The following ADAMTS14 variants were observed in gnomAD, a reference collection of about 807,000 sequenced individuals.
ADAMTS14 encodes the protein ADAM metallopeptidase with thrombospondin type 1 motif 14.
ADAMTS14 carries 100 observed loss-of-function variants against 128.6 expected under a neutral mutation model. The observed-to-expected ratio is 0.78, with a 90% CI of 0.66 to 0.92. The LOEUF (loss-of-function observed/expected upper bound fraction) is 0.92. Among genes scored for constraint, ADAMTS14 ranks in the 40% least tolerant of loss-of-function variants. The pLI is 0.00. For synonymous variants in ADAMTS14, 665 were observed against 653.8 expected (o/e 1.02, Z -0.26); for missense variants, 1,562 against 1,658.6 (o/e 0.94, Z 1.01).
chr10:70,712,105 G>A (rs527793172), intron 4 of ADAMTS14, among the ~76,000 whole-genome samples: 1 of 152,288 alleles, frequency 6.6e-6, no homozygotes, highest in Admixed American at 6.5e-5. Flanking sequence ...CACCCACCAT[G>A]CTGGAACACT....
intron 3 of ADAMTS14, among the ~76,000 whole-genome samples, chr10:70,706,160 C>T (rs908143517): frequency 2.0e-5 from 3 of 152,172 alleles, no homozygotes; most frequent in Admixed American, 6.5e-5. Context: ...GGAGCCCCCC[C>T]ACAGCATCCA....
chr10:70,697,731 T>C (rs939622091), intron 2 of ADAMTS14, among the ~76,000 whole-genome samples: 2 of 151,968 alleles, frequency 1.3e-5, no homozygotes, highest in Non-Finnish European at 2.9e-5. Context: ...CCTCCCTAGT[T>C]GCCACGTGAC....
chr10:70,682,317 G>A (rs2132538641), intron 2 of ADAMTS14, among the ~76,000 whole-genome samples: 1 of 152,340 alleles, frequency 6.6e-6, no homozygotes, highest in South Asian at 2.1e-4. Context: ...TTTGAGTATT[G>A]TAGGAGAAAT....
intron 4 of ADAMTS14, among the ~76,000 whole-genome samples, chr10:70,711,152 T>G (rs902286107): frequency 1.3e-5 from 2 of 152,190 alleles, no homozygotes; most frequent in African/African-American, 4.8e-5. Flanking sequence ...ATAAGAGTAA[T>G]TGGAACTAGA....
chr10:70,730,685 C>A (rs993274226), intron 6 of ADAMTS14, among the ~76,000 whole-genome samples: 5 of 152,156 alleles, frequency 3.3e-5, no homozygotes, highest in Non-Finnish European at 7.4e-5. Flanking sequence ...ACCCAGTGGT[C>A]CAAGATCTCT....
intron 19 of ADAMTS14, 100 bp downstream of exon 19, chr10:70,754,107 C>A: frequency 2.6e-6 from 3 of 1,141,162 alleles, no homozygotes; most frequent in Non-Finnish European, 3.6e-6. Context: ...GCCTGAATGG[C>A]TCCCCCTACA....
chr10:70,674,630 C>T lies in ADAMTS14; in HGVS notation c.157C>T (p.Leu53Phe), dbSNP rs1839583899. ...PCSTDFRGRFLSHVVSGPAAA... is the reference protein window; with the variant it reads ...PCSTDFRGRFFSHVVSGPAAA... ...CAGCACAGACTTTCGGGGACGCTTC[C>T]TCTCCCACGTGGTGTCTGGCCCAGC... Residue 53 changes from leucine (L) to phenylalanine (F), a missense_variant, in exon 2 of 22, where the codon CTC (leucine) becomes TTC (phenylalanine). By Grantham distance (22) the Leu-to-Phe change is conservative (BLOSUM62 0). Transcript: ENST00000373207. The T allele has an allele frequency of 6.2e-7, 1 of 1,613,824 alleles. No homozygotes were observed. The highest frequency in any genetic ancestry group is 8.5e-7 in the Non-Finnish European group (1 of 1,180,042).
rs1842531778 is a variant in ADAMTS14, at chr10:70,758,425, G to T, written c.3178+140G>T. 1.0e-5 allele frequency: 7 copies of T among 684,438 alleles called. No homozygotes were observed. The South Asian group carries it at 1.4e-4, about 14-fold the overall frequency. The allele number at this position is 684,438 out of a possible 1,614,324, so 42.4% of individuals were successfully genotyped here. A position where few individuals can be genotyped will look rare whatever the true frequency, so the allele number is the denominator to read the frequency against. On this transcript the variant is annotated intron_variant, in intron 21 of 21. Transcript: ENST00000373207. ...ACCTCCCTGAGCCTCAGATACCTCAGTTATGAAGTGGGGAGGAGGCTCTAC... is the reference window on the plus strand; with the variant it reads ...ACCTCCCTGAGCCTCAGATACCTCATTTATGAAGTGGGGAGGAGGCTCTAC...
At position 70,674,965 on chromosome 10, in the gene ADAMTS14, A is replaced by G; in HGVS notation, c.492A>G (p.Ala164=). Residue 164 remains alanine (A), a synonymous_variant, in exon 2 of 22, where the codon GCA becomes GCG. Transcript: ENST00000373207. The part of the protein sequence containing the change: ...YTGGVTGMPG[A]AVAISNCDGL... The stretch of plus-strand genomic sequence containing the variant: ...GAGGTGTCACTGGAATGCCTGGGGC[A>G]GCTGTTGCCATCAGCAACTGTGACG... 2 of 1,612,930 alleles carry G rather than the reference A, an allele frequency of 1.2e-6. No homozygotes were observed. The highest frequency in any genetic ancestry group is 2.2e-5 in the South Asian group (2 of 91,088).
At chr10:70,714,480 G>A (rs149426307) in intron 4 of ADAMTS14, among the ~76,000 whole-genome samples, 4 of 152,350 alleles carry the variant, frequency 2.6e-5, no homozygotes, top group East Asian at 1.9e-4. Flanking sequence ...GGTGCTGTCC[G>A]TGGCTGGTGA....
chr10:70,681,812 C>T (rs1320315259), intron 2 of ADAMTS14, among the ~76,000 whole-genome samples: 1 of 152,260 alleles, frequency 6.6e-6, no homozygotes, highest in South Asian at 2.1e-4. Flanking sequence ...TCTTGACCTG[C>T]AGGCCTCCTG....
chr10:70,741,178 C>T lies in ADAMTS14; in HGVS notation c.1924+16C>T. The T allele has an allele frequency of 6.2e-7, 1 of 1,610,030 alleles. No individual in the cohort carries two copies. Among genetic ancestry groups the T allele is most frequent in the South Asian group, 1.1e-5 (1 of 90,952 alleles). ...CCTGACGATGGTGAGTGGGCCCCAC[C>T]CCCCTCCCACTCCATGTCCTTAGGC... On this transcript the variant is annotated intron_variant, in intron 12 of 21. Transcript: ENST00000373207.
At chr10:70,675,648 C>T (rs1466265535) in intron 2 of ADAMTS14, among the ~76,000 whole-genome samples, 1 of 152,232 alleles carries the variant, frequency 6.6e-6, no homozygotes, top group Non-Finnish European at 1.5e-5. Context: ...CCCACTGCTT[C>T]CGCAATGCTT....
At chr10:70,750,008 G>A (rs1174237266) in intron 16 of ADAMTS14, 23 bp downstream of exon 16, 2 of 1,609,504 alleles carry the variant, frequency 1.2e-6, no homozygotes, top group South Asian at 2.2e-5. Flanking sequence ...CTGTGCGGTG[G>A]CAACCCCTGC....
intron 15 of ADAMTS14, among the ~76,000 whole-genome samples, chr10:70,749,366 T>G (rs1842279030): frequency 6.6e-6 from 1 of 152,112 alleles, no homozygotes; most frequent in South Asian, 2.1e-4. Flanking sequence ...GGCAGCACAG[T>G]GGGGCTGAGT....
At chr10:70,755,272 A>G (rs7071335) in intron 19 of ADAMTS14, among the ~76,000 whole-genome samples, 100,305 of 149,360 alleles carry the variant, frequency 0.67, 33,826 homozygotes, top group South Asian at 0.74. Context: ...ATACCATGCC[A>G]CTGCACTCCA....
chr10:70,700,820 C>T (rs1374981613), intron 2 of ADAMTS14, among the ~76,000 whole-genome samples: 2 of 152,178 alleles, frequency 1.3e-5, no homozygotes, highest in African/African-American at 4.8e-5. Flanking sequence ...TCCATTTGTC[C>T]CTGCCCATAG....
In ADAMTS14 at chr10:70,673,265, G is replaced by GTGTA. The variant is rs1491296262; in HGVS notation, c.82+384_82+385insATGT. 4.1e-3 allele frequency among the ~76,000 whole-genome samples: 434 copies of GTGTA among 106,446 alleles called. 2 individuals are homozygous for GTGTA. The highest frequency in any genetic ancestry group is 0.026 in the Middle Eastern group (6 of 232). The allele number at this position is 106,446 out of a possible 152,430, so 69.8% of individuals were successfully genotyped here. ...ACTTGTGTGAGCATGGGTGCAAGGGGTGTGTGTGTGTGTGTGTCTGTGTGT... is the reference window on the plus strand; with the variant it reads ...ACTTGTGTGAGCATGGGTGCAAGGGGTGTATGTGTGTGTGTGTGTGTCTGTGTGT... On this transcript the variant is annotated intron_variant, in intron 1 of 21. Coordinates refer to ENST00000373207, the MANE Select transcript of ADAMTS14 (RefSeq NM_080722.4).
chr10:70,701,035 G>A (rs566658034), intron 2 of ADAMTS14, among the ~76,000 whole-genome samples: 1 of 152,302 alleles, frequency 6.6e-6, no homozygotes, highest in South Asian at 2.1e-4. Context: ...TCCTGATTGG[G>A]CCTGTTTATG....
Sources: gnomAD v4.1 joint callset for allele counts (sites outside exome capture counted in the v4.1 genomes callset) on GRCh38, gnomAD v4.1.1 for gene constraint, MANE v1.5 for transcripts, NCBI Gene and HGNC (gene_info 2026-07-23, HGNC 2026-07-21) for gene names.